Variants in CACNB2 observed in about 807,000 individuals in gnomAD.
CACNB2 encodes the protein calcium voltage-gated channel auxiliary subunit beta 2.
CACNB2 carries 42 observed loss-of-function variants against 73.3 expected under a neutral mutation model. The observed-to-expected ratio is 0.57, with a 90% CI of 0.45 to 0.74. The LOEUF is 0.74. Among genes scored for constraint, CACNB2 ranks in the 30% least tolerant of loss-of-function variants. The probability of loss-of-function intolerance (pLI) is 0.00; values close to 1 mark genes in which losing one functional copy is unlikely to be tolerated. For synonymous variants in CACNB2, 348 were observed against 310.3 expected, an observed-to-expected ratio of 1.12 and a Z score of -1.28; for missense variants, 940 against 853.0, an observed-to-expected ratio of 1.10 and a Z score of -1.27.
chr10:18,168,641 T>C (rs1300142824), intron 2 of CACNB2, among the ~76,000 whole-genome samples: 7 of 152,166 alleles, frequency 4.6e-5, no homozygotes, highest in Admixed American at 3.9e-4. Flanking sequence ...ATCCATTTTG[T>C]CCATTAAATT....
intron 3 of CACNB2, among the ~76,000 whole-genome samples, chr10:18,468,814 G>T (rs1386366405): frequency 2.6e-5 from 4 of 152,012 alleles, no homozygotes; most frequent in Admixed American, 2.6e-4. Flanking sequence ...GGTCAGGCTG[G>T]TCTCAAACTC....
intron 9 of CACNB2, among the ~76,000 whole-genome samples, chr10:18,520,959 TAATTAGACGATA>T (rs1334562285): frequency 6.6e-6 from 1 of 152,222 alleles, no homozygotes; most frequent in African/African-American, 2.4e-5. Context: ...CATTCTCCCA[TAATTAGACGATA>T]AACTCCATGA....
chr10:18,225,554 TTCCC>T (rs772748977), intron 2 of CACNB2, among the ~76,000 whole-genome samples: 95 of 131,200 alleles, frequency 7.2e-4, no homozygotes, highest in Middle Eastern at 3.7e-3. Context: ...TTTCTTTCTT[TTCCC>T]TCCCTCCCTC....
intron 9 of CACNB2, among the ~76,000 whole-genome samples, chr10:18,526,045 T>A: frequency 6.6e-6 from 1 of 152,230 alleles, no homozygotes; most frequent in African/African-American, 2.4e-5. Context: ...AACTGTCCTG[T>A]GCTCAAATTT....
intron 2 of CACNB2, among the ~76,000 whole-genome samples, chr10:18,254,002 T>C (rs2131564271): frequency 6.6e-6 from 1 of 152,120 alleles, no homozygotes; most frequent in African/African-American, 2.4e-5. Context: ...GGGATATAGG[T>C]TGAGGAAGAG....
intron 1 of CACNB2, among the ~76,000 whole-genome samples, chr10:18,149,497 C>T (rs917439125): frequency 8.5e-5 from 13 of 152,106 alleles, no homozygotes; most frequent in Admixed American, 4.6e-4. Context: ...ATAGAACAAA[C>T]ATATATAAGA....
chr10:18,399,535 G>GT (rs1477179425), intron 2 of CACNB2, among the ~76,000 whole-genome samples: 1 of 151,962 alleles, frequency 6.6e-6, no homozygotes, highest in African/African-American at 2.4e-5. Flanking sequence ...GGGAGGAAGG[G>GT]TAGAAGGGAG....
chr10:18,337,576 C>A (rs1170215377), intron 2 of CACNB2, among the ~76,000 whole-genome samples: 1 of 152,064 alleles, frequency 6.6e-6, no homozygotes, highest in African/African-American at 2.4e-5. Context: ...TACAAAGAAG[C>A]ATAGAAAATA....
chr10:18,323,150 G>A (rs1245989377), intron 2 of CACNB2, among the ~76,000 whole-genome samples: 2 of 151,232 alleles, frequency 1.3e-5, no homozygotes, highest in African/African-American at 2.4e-5. Context: ...GTAGTGATGG[G>A]GTATCACTGT....
chr10:18,490,571 C>A (rs1257716685), intron 3 of CACNB2, among the ~76,000 whole-genome samples: 1 of 152,036 alleles, frequency 6.6e-6, no homozygotes, highest in Non-Finnish European at 1.5e-5. Context: ...ACTGGCCTGG[C>A]AATAAAGTCT....
intron 2 of CACNB2, among the ~76,000 whole-genome samples, chr10:18,340,291 G>A (rs1483327459): frequency 1.3e-5 from 2 of 152,096 alleles, no homozygotes; most frequent in African/African-American, 2.4e-5. Flanking sequence ...ATGTCTCCAA[G>A]TGATACTCAT....
intron 2 of CACNB2, among the ~76,000 whole-genome samples, chr10:18,296,792 T>C (rs544415759): frequency 1.3e-5 from 2 of 152,310 alleles, no homozygotes; most frequent in South Asian, 4.1e-4. Context: ...AAAATTATTT[T>C]CTCATACAAC....
chr10:18,239,939 A>C (rs1892008), intron 2 of CACNB2, among the ~76,000 whole-genome samples: 103,481 of 152,002 alleles, frequency 0.68, 35,355 homozygotes, highest in Admixed American at 0.74. Flanking sequence ...TTTACTGATG[A>C]CTTTGGATTC....
At chr10:18,489,794 T>C (rs1219500759) in intron 3 of CACNB2, among the ~76,000 whole-genome samples, 2 of 152,204 alleles carry the variant, frequency 1.3e-5, no homozygotes, top group East Asian at 1.9e-4. Context: ...TTAACATCTC[T>C]TATCACTTAC....
chr10:18,533,731 A>C (rs1441353655), intron 10 of CACNB2, among the ~76,000 whole-genome samples: 1 of 152,230 alleles, frequency 6.6e-6, no homozygotes, highest in Non-Finnish European at 1.5e-5. Context: ...GAACACACGG[A>C]AGATATGTCA....
Position 18,310,098 on chromosome 10 carries a change from A to AT in CACNB2, c.214-91816dup, listed in dbSNP as rs918213283. Among the ~76,000 whole-genome samples the AT allele has an allele frequency of 4.1e-4, 62 of 150,014 alleles. No homozygotes were observed. The East Asian group carries it at 5.5e-3, about 13-fold the overall frequency. On this transcript the variant is annotated intron_variant, in intron 2 of 13. Transcript: ENST00000324631. The stretch of plus-strand genomic sequence containing the variant: ...AGTTTCTTAATTTGGTCTCAAATAG[A>AT]TTTTTTTTTTCAACTTGCGTGCTAC...
intron 2 of CACNB2, chr10:18,260,917 C>G (rs545203257): frequency 1.7e-5 from 19 of 1,150,004 alleles, no homozygotes; most frequent in South Asian, 4.9e-5. Flanking sequence ...AAAAGCGTCA[C>G]CAAGAAACTC....
chr10:18,394,413 T>C (rs11014026), intron 2 of CACNB2, among the ~76,000 whole-genome samples: 23,039 of 152,196 alleles, frequency 0.15, 2,026 homozygotes, highest in East Asian at 0.24. Context: ...ACATATGCTT[T>C]TGATTAACAA....
At chr10:18,477,631 A>G (rs2048505130) in intron 3 of CACNB2, among the ~76,000 whole-genome samples, 1 of 152,180 alleles carries the variant, frequency 6.6e-6, no homozygotes. Context: ...CCTTTCTCCA[A>G]AGGTGAATTT....
Sources: gnomAD v4.1 joint callset for allele counts (sites outside exome capture counted in the v4.1 genomes callset) on GRCh38, gnomAD v4.1.1 for gene constraint, MANE v1.5 for transcripts, NCBI Gene and HGNC (gene_info 2026-07-23, HGNC 2026-07-21) for gene names.